The following COG5 variants were observed in gnomAD, a reference collection of about 807,000 sequenced individuals.
The protein encoded by COG5 is component of oligomeric golgi complex 5, also known as conserved oligomeric Golgi complex subunit 5.
In COG5, 86 loss-of-function variants were observed where a neutral mutation model predicts 110.4. The observed-to-expected ratio is 0.78, with a 90% CI of 0.65 to 0.93. The LOEUF is 0.93. Ranked by LOEUF, COG5 falls within the 40% of genes least tolerant of loss-of-function variation. The pLI is 0.00. For missense variants in COG5, 1,077 were observed against 987.0 expected (o/e 1.09, Z -1.22); for synonymous variants, 360 against 334.6 (o/e 1.08, Z -0.83).
At chr7:107,456,483 C>T (rs1206634224) in intron 6 of COG5, among the ~76,000 whole-genome samples, 8 of 152,164 alleles carry the variant, frequency 5.3e-5, no homozygotes, top group Admixed American at 2.6e-4. Context: ...TATACTTTAG[C>T]TTTCGGCTAA....
At chr7:107,287,259 C>T (rs1158583756) in intron 12 of COG5, among the ~76,000 whole-genome samples, 1 of 152,116 alleles carries the variant, frequency 6.6e-6, no homozygotes, top group East Asian at 1.9e-4. Flanking sequence ...TTGGATTGGG[C>T]TTGTGAGATA....
chr7:107,545,779 C>CAAAAAAAAAAAAA (rs59515448), intron 5 of COG5, among the ~76,000 whole-genome samples: 83 of 69,716 alleles, frequency 1.2e-3, no homozygotes, highest in African/African-American at 1.4e-3. Context: ...GACTCCATCT[C>CAAAAAAAAAAAAA]AAAAAAAAAA....
intron 6 of COG5, among the ~76,000 whole-genome samples, chr7:107,526,354 C>A (rs757105227): frequency 1.1e-4 from 16 of 152,180 alleles, no homozygotes; most frequent in Non-Finnish European, 1.9e-4. Context: ...ACTAGCTATT[C>A]AAAATTTTGC....
intron 6 of COG5, among the ~76,000 whole-genome samples, chr7:107,458,920 T>C (rs1438933356): frequency 9.9e-5 from 15 of 151,336 alleles, no homozygotes; most frequent in Non-Finnish European, 1.5e-5. Flanking sequence ...ATACATATAT[T>C]ATATGTACAT....
intron 1 of COG5, 36 bp downstream of exon 1, chr7:107,563,767 C>G: frequency 6.2e-7 from 1 of 1,612,060 alleles, no homozygotes; most frequent in Non-Finnish European, 8.5e-7. Flanking sequence ...GCGCAGACCC[C>G]CAACCCCACG....
chr7:107,475,169 C>G, intron 6 of COG5: 1 of 1,610,156 alleles, frequency 6.2e-7, no homozygotes, highest in Non-Finnish European at 8.5e-7. Context: ...TATGCATTCA[C>G]TAGACAAAAA....
chr7:107,485,208 T>C (rs1308549101), intron 6 of COG5, among the ~76,000 whole-genome samples: 2 of 152,198 alleles, frequency 1.3e-5, no homozygotes, highest in African/African-American at 4.8e-5. Flanking sequence ...GCCACTCTGT[T>C]TTGTGCAGAG....
chr7:107,455,249 G>T (rs1342970783), intron 6 of COG5, among the ~76,000 whole-genome samples: 2 of 152,174 alleles, frequency 1.3e-5, no homozygotes, highest in Non-Finnish European at 2.9e-5. Flanking sequence ...ACGTGTGAAT[G>T]AATGTGGAAG....
At chr7:107,473,911 A>G in intron 6 of COG5, 1 of 513,958 alleles carries the variant, frequency 1.9e-6, no homozygotes, top group Non-Finnish European at 3.4e-6. Flanking sequence ...TTTTCTATTA[A>G]TAGTTTACAA....
intron 7 of COG5, among the ~76,000 whole-genome samples, chr7:107,379,028 C>T (rs1282606171): frequency 2.0e-5 from 3 of 152,130 alleles, no homozygotes; most frequent in Non-Finnish European, 2.9e-5. Context: ...AGAGAAAGGT[C>T]GGGTTACCCA....
chr7:107,225,772 G>A (rs1038431100), intron 19 of COG5, among the ~76,000 whole-genome samples: 1 of 152,214 alleles, frequency 6.6e-6, no homozygotes, highest in African/African-American at 2.4e-5. Flanking sequence ...GCTGGGCATG[G>A]TGGCTCTTGC....
chr7:107,283,697 T>C lies in COG5; in HGVS notation c.1349A>G (p.Tyr450Cys), dbSNP rs143592207. The C allele has an allele frequency of 8.8e-5, 142 of 1,614,040 alleles. No homozygotes were observed. The highest frequency in any genetic ancestry group is 4.0e-4 in the African/African-American group (30 of 75,058). Residue 450 changes from tyrosine (Y) to cysteine (C), a missense_variant, in exon 13 of 22, where the codon TAT becomes TGT. Physicochemically the swap from Tyr to Cys is radical, Grantham distance 194 (BLOSUM62 -2). Coordinates refer to ENST00000297135, the MANE Select transcript of COG5 (RefSeq NM_006348.5). ...EKALKDSLQP[Y>C]EAAYLSKSLS... Reference sequence around the variant, plus strand: ...GGATTTTGATAGATAAGCAGCCTCATAGGGTTGTAGTGAGTCTTTCAAAGC... The same window carrying C: ...GGATTTTGATAGATAAGCAGCCTCACAGGGTTGTAGTGAGTCTTTCAAAGC...
chr7:107,379,598 CAAAA>C (rs200972977), intron 7 of COG5, among the ~76,000 whole-genome samples: 5 of 73,106 alleles, frequency 6.8e-5, no homozygotes, highest in East Asian at 3.4e-4. Flanking sequence ...AAATGGAAAG[CAAAA>C]AAAAAAAAAA....
At chr7:107,290,351 C>G (rs1806058602) in intron 12 of COG5, among the ~76,000 whole-genome samples, 1 of 152,136 alleles carries the variant, frequency 6.6e-6, no homozygotes, top group African/African-American at 2.4e-5. Context: ...TCTCTTCTTC[C>G]CAGGCACATC....
chr7:107,537,333 C>T (rs1384562835), intron 5 of COG5, among the ~76,000 whole-genome samples: 1 of 152,132 alleles, frequency 6.6e-6, no homozygotes, highest in East Asian at 1.9e-4. Context: ...AGACTTGGAA[C>T]CAACCCAGAT....
chr7:107,560,979 TGG>T (rs987152113), intron 1 of COG5, among the ~76,000 whole-genome samples: 1 of 151,562 alleles, frequency 6.6e-6, no homozygotes, highest in African/African-American at 2.4e-5. Flanking sequence ...GATAGGAAAG[TGG>T]GGGGTGGACA....
At chr7:107,257,799 A>C (rs1278945469) in intron 15 of COG5, among the ~76,000 whole-genome samples, 1 of 152,170 alleles carries the variant, frequency 6.6e-6, no homozygotes, top group Non-Finnish European at 1.5e-5. Flanking sequence ...ATCTATGTGT[A>C]AGCAGTCATC....
chr7:107,355,942 G>A (rs1464125745), intron 10 of COG5, among the ~76,000 whole-genome samples: 1 of 152,164 alleles, frequency 6.6e-6, no homozygotes, highest in Admixed American at 6.5e-5. Context: ...ATTATCAACT[G>A]AAGTCCACAG....
chr7:107,381,921 C>G (rs186333357), intron 7 of COG5, among the ~76,000 whole-genome samples: 1 of 152,160 alleles, frequency 6.6e-6, no homozygotes, highest in Admixed American at 6.5e-5. Context: ...CTGTCTAGTT[C>G]CTCTAAAATT....
Sources: allele counts gnomAD v4.1 joint callset (sites outside exome capture counted in the v4.1 genomes callset), GRCh38; gene constraint gnomAD v4.1.1; transcripts MANE v1.5; gene names NCBI Gene and HGNC (gene_info 2026-07-23, HGNC 2026-07-21).